The following ABCB1 variants were observed in gnomAD, a reference collection of about 807,000 sequenced individuals.
ABCB1 encodes the protein ATP-dependent translocase ABCB1.
ABCB1 carries 69 observed loss-of-function variants against 142.0 expected under a neutral mutation model. That is an observed-to-expected ratio of 0.49 (90% CI 0.40 to 0.59). The LOEUF (loss-of-function observed/expected upper bound fraction) is 0.59. Among genes scored for constraint, ABCB1 ranks in the 20% least tolerant of loss-of-function variants. ABCB1 has a pLI of 0.00. For missense variants in ABCB1, 1,326 were observed against 1,554.7 expected (o/e 0.85, Z 2.47); for synonymous variants, 532 against 539.2 (o/e 0.99, Z 0.18).
At position 87,536,560 on chromosome 7, in the gene ABCB1, T is replaced by C; in HGVS notation, c.2398-19A>G. Reference sequence around the variant, plus strand: ...TCACATCCTGTGGCACAGAAAATGATTTTATTACCTTAAAGCTGTTTATGA... The same window carrying C: ...TCACATCCTGTGGCACAGAAAATGACTTTATTACCTTAAAGCTGTTTATGA... On this transcript the variant is annotated intron_variant, in intron 19 of 27. Coordinates refer to ENST00000622132, the MANE Select transcript of ABCB1 (RefSeq NM_001348946.2). 1 of 1,612,644 alleles carries C rather than the reference T, an allele frequency of 6.2e-7. No individual in the cohort carries two copies. The highest frequency in any genetic ancestry group is 8.5e-7 in the Non-Finnish European group (1 of 1,178,788).
At chr7:87,527,436 A>G (rs978299488) in intron 21 of ABCB1, among the ~76,000 whole-genome samples, 1 of 152,126 alleles carries the variant, frequency 6.6e-6, no homozygotes, top group Admixed American at 6.5e-5. Context: ...TTCTTTTACA[A>G]TGGTTCTTAT....
chr7:87,544,729 C>G, intron 16 of ABCB1, 94 bp downstream of exon 16: 1 of 1,255,872 alleles, frequency 8.0e-7, no homozygotes, highest in South Asian at 1.2e-5. Flanking sequence ...TCTGGATAAC[C>G]TCTCTTGTTC....
At chr7:87,510,611 T>C in intron 25 of ABCB1, among the ~76,000 whole-genome samples, 1 of 152,242 alleles carries the variant, frequency 6.6e-6, no homozygotes, top group East Asian at 1.9e-4. Context: ...TAGTGACTAG[T>C]GCGTGCTGAG....
intron 21 of ABCB1, among the ~76,000 whole-genome samples, chr7:87,525,126 G>A (rs1203636701): frequency 2.0e-5 from 3 of 152,126 alleles, no homozygotes; most frequent in Admixed American, 6.6e-5. Context: ...TTAGCACCCC[G>A]CATCCTCACA....
Position 87,681,249 on chromosome 7 carries a change from A to G in ABCB1, c.-331+31912T>C, listed in dbSNP as rs1159239048. Among the ~76,000 whole-genome samples, 4 of 150,702 alleles carry G rather than the reference A, an allele frequency of 2.7e-5. 1 individual carries two copies. Among genetic ancestry groups the G allele is most frequent in the African/African-American group, 9.8e-5 (4 of 40,628 alleles). ...GATATTTTTGCTGTTGATTGCAACC[A>G]GCCATTAAGGTAATAATAGTAATCC... On this transcript the variant is annotated intron_variant, in intron 1 of 28. Coordinates refer to the ABCB1 transcript ENST00000265724.
chr7:87,527,357 A>C (rs887641187), intron 21 of ABCB1, among the ~76,000 whole-genome samples: 8 of 152,192 alleles, frequency 5.3e-5, no homozygotes, highest in Non-Finnish European at 1.2e-4. Flanking sequence ...AAAAAGTGCA[A>C]GGTTTTTGCA....
intron 25 of ABCB1, among the ~76,000 whole-genome samples, chr7:87,512,058 G>A (rs1229698106): frequency 6.6e-6 from 1 of 152,110 alleles, no homozygotes; most frequent in Non-Finnish European, 1.5e-5. Context: ...GCTCTTCCCT[G>A]TAAGTATTGA....
intron 1 of ABCB1, among the ~76,000 whole-genome samples, chr7:87,663,025 A>G (rs992528883): frequency 6.6e-6 from 1 of 151,902 alleles, no homozygotes; most frequent in African/African-American, 2.4e-5. Flanking sequence ...ATAGTACTTG[A>G]TTTCTTTTTC....
At chr7:87,573,106 C>A (rs1234656073) in intron 4 of ABCB1, among the ~76,000 whole-genome samples, 1 of 152,170 alleles carries the variant, frequency 6.6e-6, no homozygotes, top group African/African-American at 2.4e-5. Context: ...ACTCATAGTT[C>A]CACATGGCTG....
At chr7:87,540,465 G>A (rs1180218976) in intron 18 of ABCB1, among the ~76,000 whole-genome samples, 1 of 151,976 alleles carries the variant, frequency 6.6e-6, no homozygotes, top group Admixed American at 6.5e-5. Flanking sequence ...TTTAGAGACA[G>A]GGACTCACTC....
chr7:87,670,321 G>C (rs1353818699), intron 1 of ABCB1, among the ~76,000 whole-genome samples: 2 of 152,204 alleles, frequency 1.3e-5, no homozygotes, highest in East Asian at 3.8e-4. Context: ...AGCTCTGTCA[G>C]ACCCATTGGG....
At chr7:87,667,732 A>T (rs1248909281) in intron 1 of ABCB1, among the ~76,000 whole-genome samples, 3 of 152,082 alleles carry the variant, frequency 2.0e-5, no homozygotes, top group Non-Finnish European at 4.4e-5. Context: ...TTCTGTGTCT[A>T]TTGAGATAAT....
intron 9 of ABCB1, among the ~76,000 whole-genome samples, chr7:87,553,406 C>T (rs571176928): frequency 4.0e-5 from 6 of 150,818 alleles, no homozygotes; most frequent in South Asian, 4.2e-4. Context: ...CTGCAAGCTC[C>T]GCCTCCCGGG....
chr7:87,558,430 A>G (rs1189887743), intron 8 of ABCB1, among the ~76,000 whole-genome samples: 1 of 152,188 alleles, frequency 6.6e-6, no homozygotes, highest in Non-Finnish European at 1.5e-5. Context: ...TATAAAACCT[A>G]CTGGAATTTC....
At position 87,519,495 on chromosome 7, in the gene ABCB1, C is replaced by A. The variant is rs58697013; in HGVS notation, c.2787-29G>T. 7.4e-4 allele frequency: 1,199 copies of A among 1,613,272 alleles called. 2 individuals are homozygous for A. The highest frequency in any genetic ancestry group is 9.3e-4 in the Non-Finnish European group (1,093 of 1,179,716). On this transcript the variant is annotated intron_variant, in intron 22 of 27. Transcript: ENST00000622132. ...AAAAGAAGACATTTGAAAACTCATT[C>A]CACTTTCATTTCTCAGTCCTTAAAA... is the stretch of plus-strand genomic sequence containing the variant.
At chr7:87,538,513 AC>A (rs903915513) in intron 19 of ABCB1, among the ~76,000 whole-genome samples, 3 of 152,174 alleles carry the variant, frequency 2.0e-5, no homozygotes, top group Non-Finnish European at 4.4e-5. Flanking sequence ...GGGTTCGAGT[AC>A]CCCTGGCACA....
upstream of ABCB1, chr7:87,603,040 A>G (rs1450021776): frequency 6.6e-6 from 1 of 152,224 alleles, no homozygotes; most frequent in Non-Finnish European, 1.5e-5. Flanking sequence ...CACAATCTGC[A>G]CCTTCTTGTC....
intron 1 of ABCB1, among the ~76,000 whole-genome samples, chr7:87,710,122 G>T (rs951162366): frequency 6.6e-6 from 1 of 152,036 alleles, no homozygotes; most frequent in African/African-American, 2.4e-5. Flanking sequence ...CCACTGAAAG[G>T]ATAGGATTGA....
At chr7:87,570,354 A>G (rs1817997006) in intron 4 of ABCB1, 131 bp from the exon 5 acceptor site, 1 of 891,320 alleles carries the variant, frequency 1.1e-6, no homozygotes, top group African/African-American at 1.7e-5. Flanking sequence ...CTCAGTTTTA[A>G]TTGTGTGTAA....
Sources: allele counts gnomAD v4.1 joint callset (sites outside exome capture counted in the v4.1 genomes callset), GRCh38; gene constraint gnomAD v4.1.1; transcripts MANE v1.5; gene names NCBI Gene and HGNC (gene_info 2026-07-23, HGNC 2026-07-21).